The following DNAH6 variants were observed in gnomAD, a reference collection of about 807,000 sequenced individuals.
DNAH6 encodes axonemal beta dynein heavy chain 6.
In DNAH6, 340 loss-of-function variants were observed where a neutral mutation model predicts 491.4. The observed-to-expected ratio is 0.69, with a 90% CI of 0.63 to 0.76. The LOEUF is 0.76. Among genes scored for constraint, DNAH6 ranks in the 30% least tolerant of loss-of-function variants. The pLI, the probability that DNAH6 is intolerant of heterozygous loss-of-function variation, is 0.00. For missense variants in DNAH6, 4,443 were observed against 4,972.2 expected (o/e 0.89, Z 3.20); for synonymous variants, 1,603 against 1,686.1 (o/e 0.95, Z 1.21).
At chr2:84,747,711 T>C (rs928900776) in intron 63 of DNAH6, among the ~76,000 whole-genome samples, 1 of 152,208 alleles carries the variant, frequency 6.6e-6, no homozygotes, top group African/African-American at 2.4e-5. Context: ...GACACTACTC[T>C]AGTAGGGTCT....
chr2:84,630,390 A>C (rs1050135631), intron 29 of DNAH6, among the ~76,000 whole-genome samples: 1 of 152,208 alleles, frequency 6.6e-6, no homozygotes, highest in Non-Finnish European at 1.5e-5. Context: ...CCTGTTCAAA[A>C]AAAAATTAAA....
Position 84,584,165 on chromosome 2 carries a change from C to G in DNAH6, c.2396C>G (p.Ser799Ter). 6.2e-7 allele frequency: 1 copy of G among 1,614,090 alleles called. No individual in the cohort carries two copies. Among genetic ancestry groups the G allele is most frequent in the Non-Finnish European group, 8.5e-7 (1 of 1,180,006 alleles). Reference protein sequence around the residue: ...AIDKSVGDRESSIKQFCVHLG... With the variant: ...AIDKSVGDRE ...GATAAATCAGTGGGTGATAGAGAAT[C>G]AAGCATTAAGCAATTTTGTGTGCAT... Residue 799 changes from serine (S) to a stop codon, truncating the protein, a stop_gained, in exon 15 of 77, where the codon TCA (serine) becomes TGA (stop). Coordinates refer to ENST00000389394, the MANE Select transcript of DNAH6 (RefSeq NM_001370.2). LOFTEE classifies it high-confidence loss of function.
intron 11 of DNAH6, among the ~76,000 whole-genome samples, chr2:84,573,090 T>C (rs1682059928): frequency 6.6e-6 from 1 of 152,216 alleles, no homozygotes; most frequent in South Asian, 2.1e-4. Flanking sequence ...AGGTTTGCCT[T>C]TGCTTAAAAA....
At chr2:84,778,354 G>T in intron 64 of DNAH6, 3 of 371,084 alleles carry the variant, frequency 8.1e-6, no homozygotes, top group South Asian at 6.4e-5. Context: ...TGGATTTTGG[G>T]GTCCCAATTT....
chr2:84,785,462 G>T (rs1677086757), intron 66 of DNAH6, 148 bp from the exon 67 acceptor site: 2 of 742,018 alleles, frequency 2.7e-6, no homozygotes, highest in East Asian at 6.3e-5. Flanking sequence ...TACAAAGCAG[G>T]CTCGAACATG....
In DNAH6 at chr2:84,737,179, C is replaced by G. The variant is rs1699594840; in HGVS notation, c.10342+3600C>G. On this transcript the variant is annotated intron_variant, in intron 62 of 76. Transcript: ENST00000389394. ...ATCCTTGCATCCCAAGAATAAGGCTCACTTGATTATGATGAATTAACTTTT... is the reference window on the plus strand; with the variant it reads ...ATCCTTGCATCCCAAGAATAAGGCTGACTTGATTATGATGAATTAACTTTT... Among the ~76,000 whole-genome samples, 2 of 151,984 alleles carry G rather than the reference C, an allele frequency of 1.3e-5. 1 individual carries two copies. Among genetic ancestry groups the G allele is most frequent in the South Asian group, 4.1e-4 (2 of 4,826 alleles).
chr2:84,686,163 A>C (rs1218909423), intron 43 of DNAH6, among the ~76,000 whole-genome samples: 1 of 151,004 alleles, frequency 6.6e-6, no homozygotes, highest in Non-Finnish European at 1.5e-5. Context: ...ACTCCAGCCC[A>C]GGTGACAGTG....
intron 76 of DNAH6, among the ~76,000 whole-genome samples, chr2:84,818,673 A>G (rs928070409): frequency 2.6e-5 from 4 of 152,190 alleles, no homozygotes; most frequent in South Asian, 2.1e-4. Flanking sequence ...TTCAACAAAT[A>G]TATTACAAGG....
intron 70 of DNAH6, among the ~76,000 whole-genome samples, chr2:84,802,843 A>G (rs562911838): frequency 1.3e-5 from 2 of 152,322 alleles, no homozygotes; most frequent in East Asian, 1.9e-4. Context: ...TAAAAAATCA[A>G]AATTATACCA....
intron 49 of DNAH6, 73 bp downstream of exon 49, chr2:84,701,412 A>G (rs1324512560): frequency 8.2e-6 from 12 of 1,468,164 alleles, no homozygotes; most frequent in African/African-American, 2.8e-5. Flanking sequence ...TGGAAACTCT[A>G]TGCACTGTCT....
intron 16 of DNAH6, among the ~76,000 whole-genome samples, 174 bp downstream of exon 16, chr2:84,589,128 T>C (rs1361201484): frequency 1.3e-5 from 2 of 152,240 alleles, no homozygotes; most frequent in African/African-American, 4.8e-5. Flanking sequence ...GCCTTCGAAG[T>C]GTTTAAAGAC....
intron 11 of DNAH6, among the ~76,000 whole-genome samples, chr2:84,568,339 AC>A (rs1446443379): frequency 6.6e-6 from 1 of 152,194 alleles, no homozygotes; most frequent in African/African-American, 2.4e-5. Flanking sequence ...ATAGTGATAG[AC>A]TGGATAAAGA....
intron 63 of DNAH6, among the ~76,000 whole-genome samples, chr2:84,756,219 T>C (rs987732949): frequency 7.9e-5 from 12 of 152,178 alleles, no homozygotes; most frequent in African/African-American, 2.9e-4. Flanking sequence ...TAGGCCACTA[T>C]TTGGATCAAG....
At chr2:84,538,142 C>T (rs1214266610) in intron 4 of DNAH6, among the ~76,000 whole-genome samples, 1 of 152,042 alleles carries the variant, frequency 6.6e-6, no homozygotes, top group Non-Finnish European at 1.5e-5. Context: ...GAACCCAAGT[C>T]CTCATGCACG....
chr2:84,785,734 G>C lies in DNAH6; in HGVS notation c.11078G>C (p.Cys3693Ser), dbSNP rs915182934. Reference sequence around the variant, plus strand: ...TGGAGACAAATAATATTTGGCATTTGTTTCTTCCATGCAATTATTCAGGTA... The same window carrying C: ...TGGAGACAAATAATATTTGGCATTTCTTTCTTCCATGCAATTATTCAGGTA... ...KKWRQIIFGI[C>S]FFHAIIQERK... is the part of the protein sequence containing the mutation. Residue 3693 changes from cysteine (C) to serine (S), a missense_variant, in exon 67 of 77, where the codon TGT (cysteine) becomes TCT (serine). Cys to Ser is a moderately radical substitution (Grantham distance 112). This residue lies in a region of DNAH6 where 1,463 missense variants were observed against 1,656.6 expected (regional missense o/e 0.88). Transcript: ENST00000389394. 3 of 1,543,394 alleles carry C rather than the reference G, an allele frequency of 1.9e-6. No individual in the cohort carries two copies. In the African/African-American group the frequency reaches 4.1e-5, roughly 21 times the overall value.
chr2:84,638,564 A>G (rs576470580), intron 31 of DNAH6, among the ~76,000 whole-genome samples: 10 of 152,324 alleles, frequency 6.6e-5, no homozygotes, highest in African/African-American at 2.4e-4. Flanking sequence ...TTTGGCTAAT[A>G]AATTCCTGTG....
intron 10 of DNAH6, 108 bp from the exon 11 acceptor site, chr2:84,557,627 G>A (rs1282189718): frequency 1.7e-4 from 42 of 254,070 alleles, no homozygotes; most frequent in African/African-American, 8.8e-4. Flanking sequence ...TCCGCAGTCC[G>A]GCCTGGGCGA....
In DNAH6 at chr2:84,785,721, A is replaced by G. The variant is rs934127390; in HGVS notation, c.11065A>G (p.Ile3689Val). The change falls in exon 67 of 77, where the codon ATA becomes GTA. Residue 3689 changes from isoleucine to valine, a missense_variant. Around this residue, in one of 3 missense-constraint regions of DNAH6, gnomAD observed 1,463 missense variants for 1,656.6 expected, o/e 0.88. Coordinates refer to ENST00000389394, the MANE Select transcript of DNAH6 (RefSeq NM_001370.2). ...ACTTGGAAAAAAATGGAGACAAATA[A>G]TATTTGGCATTTGTTTCTTCCATGC... ...NILGKKWRQI[I>V]FGICFFHAII... 3 of 1,546,772 alleles carry G rather than the reference A, an allele frequency of 1.9e-6. No individual in the cohort carries two copies. Among genetic ancestry groups the G allele is most frequent in the African/African-American group, 2.7e-5 (2 of 72,828 alleles).
At chr2:84,757,387 G>C (rs545351768) in intron 63 of DNAH6, among the ~76,000 whole-genome samples, 1 of 152,298 alleles carries the variant, frequency 6.6e-6, no homozygotes, top group East Asian at 1.9e-4. Context: ...AGTGAGATCT[G>C]ATACGGACTT....
Sources: gnomAD v4.1 joint callset for allele counts (sites outside exome capture counted in the v4.1 genomes callset) on GRCh38, gnomAD v4.1.1 for gene constraint, gnomAD v4.1.1 regional missense constraint, MANE v1.5 for transcripts, NCBI Gene and HGNC (gene_info 2026-07-23, HGNC 2026-07-21) for gene names.